Variants in CNTN1 observed in about 807,000 individuals in gnomAD.
CNTN1 encodes the protein contactin-1.
CNTN1 carries 38 observed loss-of-function variants against 126.4 expected under a neutral mutation model. That is an observed-to-expected ratio of 0.30 (90% CI 0.23 to 0.39). The LOEUF (loss-of-function observed/expected upper bound fraction) is 0.39. Among genes scored for constraint, CNTN1 ranks in the 10% least tolerant of loss-of-function variants. The pLI is 1.00. For synonymous variants in CNTN1, 413 were observed against 422.6 expected, an observed-to-expected ratio of 0.98 and a Z score of 0.28; for missense variants, 1,009 against 1,248.4, an observed-to-expected ratio of 0.81 and a Z score of 2.89.
chr12:41,039,573 A>T (rs1454707494), intron 23 of CNTN1, among the ~76,000 whole-genome samples: 2 of 152,218 alleles, frequency 1.3e-5, no homozygotes, highest in Non-Finnish European at 2.9e-5. Context: ...CTAGTTCAAT[A>T]TGCCTATGAG....
chr12:40,993,104 T>A lies in CNTN1; in HGVS notation c.1964-16T>A, dbSNP rs1394908830. 1 of 1,607,290 alleles carries A rather than the reference T, an allele frequency of 6.2e-7. No individual in the cohort carries two copies. Among genetic ancestry groups the A allele is most frequent in the East Asian group, 2.2e-5 (1 of 44,836 alleles). ...TAATCAACCTGTATTCTCTATTTAC[T>A]ATTTATTTTATTCAGATCCCCCAAT... On this transcript the variant is annotated splice_polypyrimidine_tract_variant and intron_variant, in intron 16 of 23. Coordinates refer to ENST00000551295, the MANE Select transcript of CNTN1 (RefSeq NM_001843.4).
chr12:40,937,734 T>C (rs935081900), intron 11 of CNTN1, 47 bp downstream of exon 11: 2 of 1,059,458 alleles, frequency 1.9e-6, no homozygotes, highest in Non-Finnish European at 3.0e-6. Flanking sequence ...AAGCAATATG[T>C]CATATCACAC....
intron 1 of CNTN1, among the ~76,000 whole-genome samples, chr12:40,766,214 C>T (rs1176226453): frequency 1.3e-5 from 2 of 151,930 alleles, no homozygotes; most frequent in South Asian, 2.1e-4. Flanking sequence ...AAAAATTAGC[C>T]GGCATGGTGA....
chr12:40,846,070 A>C (rs1431839114), intron 1 of CNTN1, among the ~76,000 whole-genome samples: 1 of 152,198 alleles, frequency 6.6e-6, no homozygotes, highest in Non-Finnish European at 1.5e-5. Context: ...ATAAAAAATT[A>C]CTTCAGCAAT....
chr12:41,055,073 A>G (rs1171170340), intron 23 of CNTN1, among the ~76,000 whole-genome samples: 2 of 152,150 alleles, frequency 1.3e-5, no homozygotes, highest in African/African-American at 4.8e-5. Flanking sequence ...GTCTAATAGA[A>G]TATGTATTTG....
intron 1 of CNTN1, among the ~76,000 whole-genome samples, chr12:40,778,280 A>G (rs1565722449): frequency 6.6e-6 from 1 of 151,874 alleles, no homozygotes; most frequent in Non-Finnish European, 1.5e-5. Flanking sequence ...AGCACAGGCC[A>G]TGGACTATAT....
At chr12:41,062,866 C>T (rs1219622535) in intron 23 of CNTN1, among the ~76,000 whole-genome samples, 2 of 152,116 alleles carry the variant, frequency 1.3e-5, no homozygotes, top group Non-Finnish European at 2.9e-5. Flanking sequence ...GATTTCCTCA[C>T]CTAGTTCTGA....
intron 1 of CNTN1, among the ~76,000 whole-genome samples, chr12:40,802,636 T>C (rs1317115132): frequency 6.6e-6 from 1 of 151,916 alleles, no homozygotes; most frequent in Non-Finnish European, 1.5e-5. Flanking sequence ...GTAAGATGTA[T>C]GTCTGATGAT....
chr12:40,792,453 G>A (rs775644548), intron 1 of CNTN1, among the ~76,000 whole-genome samples: 16 of 151,958 alleles, frequency 1.1e-4, no homozygotes, highest in Non-Finnish European at 2.1e-4. Context: ...ACTATTTAAT[G>A]ACTTTTATTT....
At chr12:40,883,533 G>C (rs1419940874) in intron 1 of CNTN1, among the ~76,000 whole-genome samples, 1 of 151,486 alleles carries the variant, frequency 6.6e-6, no homozygotes. Flanking sequence ...TAAGAGAAAA[G>C]TTTTCAAGCA....
At position 40,922,278 on chromosome 12, in the gene CNTN1, G is replaced by T. The variant is rs758104125; in HGVS notation, c.250G>T (p.Val84Phe). 2 of 1,613,814 alleles carry T rather than the reference G, an allele frequency of 1.2e-6. No homozygotes were observed. The highest frequency in any genetic ancestry group is 1.7e-6 in the Non-Finnish European group (2 of 1,179,888). Residue 84 changes from valine (V) to phenylalanine (F), a missense_variant, in exon 5 of 24, where the codon GTT becomes TTT. By Grantham distance (50) the Val-to-Phe change is conservative. Coordinates refer to ENST00000551295, the MANE Select transcript of CNTN1 (RefSeq NM_001843.4). Reference sequence around the variant, plus strand: ...TAGATGGAGAATGAATAATGGGGACGTTGATCTCACAAGTGATCGATACAG... The same window carrying T: ...TAGATGGAGAATGAATAATGGGGACTTTGATCTCACAAGTGATCGATACAG... ...VYKWRMNNGD[V>F]DLTSDRYSMV...
At chr12:40,757,844 G>A (rs979951068) in intron 1 of CNTN1, among the ~76,000 whole-genome samples, 1 of 151,862 alleles carries the variant, frequency 6.6e-6, no homozygotes, top group Admixed American at 6.6e-5. Flanking sequence ...TTATATTTTT[G>A]TGCTAAATAC....
chr12:40,883,726 G>T (rs1943944299), intron 1 of CNTN1, among the ~76,000 whole-genome samples: 1 of 151,580 alleles, frequency 6.6e-6, no homozygotes, highest in Non-Finnish European at 1.5e-5. Context: ...TGTGTATCCA[G>T]AGGGAACTTG....
At chr12:40,994,441 T>A (rs1396901333) in intron 17 of CNTN1, among the ~76,000 whole-genome samples, 1 of 152,142 alleles carries the variant, frequency 6.6e-6, no homozygotes, top group African/African-American at 2.4e-5. Context: ...GCAATTTTAG[T>A]GAATGCTTGT....
intron 14 of CNTN1, among the ~76,000 whole-genome samples, chr12:40,949,858 G>A (rs950292792): frequency 3.3e-5 from 5 of 151,982 alleles, no homozygotes; most frequent in African/African-American, 9.7e-5. Context: ...TTACAGGCAT[G>A]AGCCACCGCA....
chr12:40,857,799 A>T (rs187504953), intron 1 of CNTN1, among the ~76,000 whole-genome samples: 33 of 152,278 alleles, frequency 2.2e-4, no homozygotes, highest in Non-Finnish European at 2.6e-4. Flanking sequence ...GAGATAGCCC[A>T]GGCCCTAAAC....
rs1008579652 is a variant in CNTN1, at chr12:41,071,173, T to G, written c.*1138T>G. 1 of 152,088 alleles carries G rather than the reference T, an allele frequency of 6.6e-6. No individual in the cohort carries two copies. Among genetic ancestry groups the G allele is most frequent in the African/African-American group, 2.4e-5 (1 of 41,426 alleles). 9.4% of individuals were successfully genotyped at this position (152,088 alleles called of 1,614,324 possible). On this transcript the variant is annotated 3_prime_UTR_variant, in exon 24 of 24. Coordinates refer to ENST00000551295, the MANE Select transcript of CNTN1 (RefSeq NM_001843.4). ...GGCTAAAAATACCAAATCAATATAC[T>G]GCTAATGGTACTTTGAAGAGTATGC...
In CNTN1 at chr12:40,937,554, A is replaced by G. The variant is rs1946122868; in HGVS notation, c.1111-16A>G. The G allele has an allele frequency of 6.8e-7, 1 of 1,472,854 alleles. No homozygotes were observed. The highest frequency in any genetic ancestry group is 1.7e-5 in the Admixed American group (1 of 59,772). 91.2% of individuals were successfully genotyped at this position (1,472,854 alleles called of 1,614,324 possible). The stretch of plus-strand genomic sequence containing the variant: ...TAAAGTTCATTGAGAATATGTTTCA[A>G]TTTTATTCTTTTCAGTATCATAAAG... On this transcript the variant is annotated splice_polypyrimidine_tract_variant and intron_variant, in intron 10 of 23. Coordinates refer to ENST00000551295, the MANE Select transcript of CNTN1 (RefSeq NM_001843.4).
intron 1 of CNTN1, among the ~76,000 whole-genome samples, chr12:40,800,244 G>A (rs1240152242): frequency 6.6e-6 from 1 of 151,816 alleles, no homozygotes; most frequent in Non-Finnish European, 1.5e-5. Context: ...ACTCCATCCT[G>A]CCACCCTACG....
Sources: allele counts gnomAD v4.1 joint callset (sites outside exome capture counted in the v4.1 genomes callset), GRCh38; gene constraint gnomAD v4.1.1; transcripts MANE v1.5; gene names NCBI Gene and HGNC (gene_info 2026-07-23, HGNC 2026-07-21).